Variants in SEMA5B observed in about 807,000 individuals in gnomAD.
SEMA5B encodes semaphorin-5B.
In SEMA5B, 66 loss-of-function variants were observed where a neutral mutation model predicts 135.0. The ratio of observed to expected loss-of-function variants is 0.49; its 90% confidence interval spans 0.40 to 0.60. The LOEUF (loss-of-function observed/expected upper bound fraction) is 0.60, where lower values mean the gene tolerates loss of function less well. SEMA5B is among the 20% of genes least tolerant of loss of function. The pLI, the probability that SEMA5B is intolerant of heterozygous loss-of-function variation, is 0.00. For missense variants in SEMA5B, 1,501 were observed against 1,566.3 expected (o/e 0.96, Z 0.70); for synonymous variants, 690 against 639.5 (o/e 1.08, Z -1.19).
chr3:123,004,162 T>C (rs190837575), intron 1 of SEMA5B, among the ~76,000 whole-genome samples: 5 of 152,338 alleles, frequency 3.3e-5, no homozygotes, highest in African/African-American at 4.8e-5. Flanking sequence ...AGGTGTGGAA[T>C]AGAGGATGGG....
intron 12 of SEMA5B, among the ~76,000 whole-genome samples, chr3:122,920,996 C>G (rs1938320414): frequency 2.6e-5 from 4 of 152,214 alleles, no homozygotes; most frequent in Admixed American, 1.3e-4. Flanking sequence ...CTGAGACTCC[C>G]CCTCCTTGGC....
chr3:122,937,539 G>T (rs4677977), intron 5 of SEMA5B, among the ~76,000 whole-genome samples: 33,708 of 152,046 alleles, frequency 0.22, 3,987 homozygotes, highest in East Asian at 0.33. Flanking sequence ...AAATCCTGAG[G>T]TCAGGCCCCT....
intron 1 of SEMA5B, among the ~76,000 whole-genome samples, chr3:122,994,338 G>T (rs1941971783): frequency 6.6e-6 from 1 of 152,132 alleles, no homozygotes; most frequent in Non-Finnish European, 1.5e-5. Context: ...TCATATCTTG[G>T]CTACCACAGA....
intron 1 of SEMA5B, among the ~76,000 whole-genome samples, chr3:122,990,549 C>T (rs1424475325): frequency 1.8e-5 from 2 of 113,608 alleles, no homozygotes; most frequent in Admixed American, 8.0e-5. Flanking sequence ...CTCTACCTGC[C>T]CCCCCAAACT....
At chr3:122,925,157 GC>G (rs1938559828) in intron 9 of SEMA5B, among the ~76,000 whole-genome samples, 1 of 151,926 alleles carries the variant, frequency 6.6e-6, no homozygotes, top group African/African-American at 2.4e-5. Context: ...GCTATCTGGG[GC>G]CCAAAGTGAG....
At position 122,929,034 on chromosome 3, in the gene SEMA5B, C is replaced by T; in HGVS notation, c.499G>A (p.Asp167Asn). The change falls in exon 6 of 23, where the codon GAC becomes AAC. Residue 167 changes from aspartate to asparagine, a missense_variant. This residue lies in a region of SEMA5B where 574 missense variants were observed against 684.7 expected (regional missense o/e 0.84). Transcript: ENST00000357599. ...TTGCTTTGGCAGGAGCGGCGCGTGT[C>T]CTCACTGGAGGCCCACTCTGTGGCC... ...LQATEWASSE[D>N]TRRSCQSKGK... is the part of the protein sequence containing the mutation. The T allele has an allele frequency of 6.2e-7, 1 of 1,612,208 alleles. No homozygotes were observed. Among genetic ancestry groups the T allele is most frequent in the Admixed American group, 1.7e-5 (1 of 60,028 alleles).
At chr3:122,918,510 G>A (rs996023954) in intron 12 of SEMA5B, among the ~76,000 whole-genome samples, 3 of 152,186 alleles carry the variant, frequency 2.0e-5, no homozygotes, top group Non-Finnish European at 4.4e-5. Flanking sequence ...GGCCACTTTT[G>A]TCAAGATTCC....
chr3:122,973,252 A>G (rs1203714172), intron 1 of SEMA5B, among the ~76,000 whole-genome samples: 1 of 151,988 alleles, frequency 6.6e-6, no homozygotes, highest in Non-Finnish European at 1.5e-5. Flanking sequence ...CTCCCTTTAC[A>G]CCCCTAGCTT....
At chr3:122,995,594 C>G (rs1020012811) in intron 1 of SEMA5B, among the ~76,000 whole-genome samples, 1 of 152,200 alleles carries the variant, frequency 6.6e-6, no homozygotes, top group Non-Finnish European at 1.5e-5. Flanking sequence ...ACACAGCACC[C>G]AAGCTTGAGA....
chr3:122,940,585 G>A (rs1939511343), intron 4 of SEMA5B, among the ~76,000 whole-genome samples: 1 of 152,240 alleles, frequency 6.6e-6, no homozygotes, highest in Non-Finnish European at 1.5e-5. Flanking sequence ...TACCTCAGCT[G>A]AGGAGGGAAA....
At chr3:123,012,084 C>T (rs1942448805) in intron 1 of SEMA5B, among the ~76,000 whole-genome samples, 1 of 152,186 alleles carries the variant, frequency 6.6e-6, no homozygotes, top group Non-Finnish European at 1.5e-5. Context: ...GGTTCAAATC[C>T]TGCCTCTACC....
At position 123,020,029 on chromosome 3, in the gene SEMA5B, T is replaced by C. The variant is rs1328489593; in HGVS notation, c.-39+7435A>G. Among the ~76,000 whole-genome samples, 3 of 152,346 alleles carry C rather than the reference T, an allele frequency of 2.0e-5. No homozygotes were observed. In the East Asian group the frequency reaches 5.8e-4, roughly 29 times the overall value. ...ACTTTTTATTGCTGTAGGAAGTCAG[T>C]CAAAAACGGTCTAAATGGTCCATGT... On this transcript the variant is annotated intron_variant, in intron 1 of 22. Coordinates refer to ENST00000357599, the MANE Select transcript of SEMA5B (RefSeq NM_001031702.4).
At position 122,948,466 on chromosome 3, in the gene SEMA5B, G is replaced by C. The variant is rs368365922; in HGVS notation, c.328+40C>G. 2.4e-5 allele frequency: 37 copies of C among 1,542,832 alleles called. 1 individual carries two copies. Among genetic ancestry groups the C allele is most frequent in the Middle Eastern group, 2.3e-4 (1 of 4,312 alleles). ...GTCTGACCTAAGTCCTTCAGGACAC[G>C]GCCATTGCAAGACAGGGCCAAGTAG... On this transcript the variant is annotated intron_variant, in intron 3 of 22. Coordinates refer to ENST00000357599, the MANE Select transcript of SEMA5B (RefSeq NM_001031702.4).
At chr3:122,993,483 G>A (rs946900437) in intron 1 of SEMA5B, among the ~76,000 whole-genome samples, 1 of 152,192 alleles carries the variant, frequency 6.6e-6, no homozygotes, top group South Asian at 2.1e-4. Flanking sequence ...GAGAGCAGTG[G>A]TGTAATGCCC....
chr3:122,945,449 C>T (rs897908078), intron 3 of SEMA5B, among the ~76,000 whole-genome samples: 15 of 152,158 alleles, frequency 9.9e-5, no homozygotes, highest in African/African-American at 3.4e-4. Flanking sequence ...CTCCAGGAAG[C>T]GTTCCTGGAT....
At chr3:122,933,130 C>T (rs889391956) in intron 5 of SEMA5B, among the ~76,000 whole-genome samples, 2 of 152,008 alleles carry the variant, frequency 1.3e-5, no homozygotes, top group African/African-American at 4.8e-5. Flanking sequence ...TGGCTGCTCT[C>T]GAGGCCTCCT....
chr3:123,010,503 G>A (rs1237766919), intron 1 of SEMA5B, among the ~76,000 whole-genome samples: 19 of 152,222 alleles, frequency 1.2e-4, no homozygotes, highest in East Asian at 1.9e-4. Context: ...CAACAACAGC[G>A]AAGTGGTCCG....
intron 18 of SEMA5B, 132 bp from the exon 19 acceptor site, chr3:122,912,474 C>T (rs1211889746): frequency 1.2e-6 from 1 of 835,844 alleles, no homozygotes; most frequent in South Asian, 2.3e-5. Flanking sequence ...CCACCCGCCA[C>T]CCAACAGTCC....
chr3:122,994,257 A>T (rs2107731145), intron 1 of SEMA5B, among the ~76,000 whole-genome samples: 1 of 152,140 alleles, frequency 6.6e-6, no homozygotes, highest in Admixed American at 6.5e-5. Context: ...GGAGTAGAGG[A>T]TATTCCACAG....
Sources: allele counts gnomAD v4.1 joint callset (sites outside exome capture counted in the v4.1 genomes callset), GRCh38; gene constraint gnomAD v4.1.1; regional missense constraint gnomAD v4.1.1; transcripts MANE v1.5; gene names NCBI Gene and HGNC (gene_info 2026-07-23, HGNC 2026-07-21).